Variants in PDE10A observed in about 807,000 individuals in gnomAD.
PDE10A encodes the protein cAMP and cAMP-inhibited cGMP 3',5'-cyclic phosphodiesterase 10A.
PDE10A carries 39 observed loss-of-function variants against 97.7 expected under a neutral mutation model. That is an observed-to-expected ratio of 0.40 (90% CI 0.31 to 0.52). PDE10A has a LOEUF of 0.52. PDE10A is among the 20% of genes least tolerant of loss of function. The pLI, the probability that PDE10A is intolerant of heterozygous loss-of-function variation, is 0.56. For missense variants in PDE10A, 731 were observed against 1,047.8 expected (o/e 0.70, Z 4.17); for synonymous variants, 371 against 376.8 (o/e 0.98, Z 0.18).
chr6:165,364,713 G>A (rs758208205), intron 18 of PDE10A, among the ~76,000 whole-genome samples: 24 of 151,960 alleles, frequency 1.6e-4, no homozygotes, highest in Admixed American at 6.6e-5. Flanking sequence ...GTCTTGGCCA[G>A]GAAGAAAATA....
intron 1 of PDE10A, among the ~76,000 whole-genome samples, chr6:165,567,514 C>T (rs1784832624): frequency 6.6e-6 from 1 of 152,164 alleles, no homozygotes; most frequent in Non-Finnish European, 1.5e-5. Flanking sequence ...TGCACACTGA[C>T]TCCACTGCTA....
intron 1 of PDE10A, among the ~76,000 whole-genome samples, chr6:165,727,967 ATTTG>A (rs899751842): frequency 7.2e-5 from 11 of 152,038 alleles, no homozygotes; most frequent in African/African-American, 2.7e-4. Context: ...TTGTTTTTTT[ATTTG>A]TTTGTTTTTG....
chr6:165,747,208 A>T (rs896299948), intron 1 of PDE10A, among the ~76,000 whole-genome samples: 18 of 152,228 alleles, frequency 1.2e-4, no homozygotes, highest in East Asian at 3.8e-4. Flanking sequence ...ACATTTTTTT[A>T]AAATTTGAAT....
chr6:165,721,236 A>G (rs1277342388), intron 1 of PDE10A, among the ~76,000 whole-genome samples: 2 of 152,208 alleles, frequency 1.3e-5, no homozygotes, highest in African/African-American at 2.4e-5. Flanking sequence ...AGCAACTTCC[A>G]GTGTGAAGTG....
chr6:165,665,618 A>G (rs1011302891), upstream of PDE10A, among the ~76,000 whole-genome samples: 1 of 152,094 alleles, frequency 6.6e-6, no homozygotes, highest in Non-Finnish European at 1.5e-5. Flanking sequence ...AGAAATTCAC[A>G]ATGTTGCAGT....
At chr6:165,839,991 AACTCCATCCCATCTCCATCCTCATCT>A in intron 1 of PDE10A, among the ~76,000 whole-genome samples, 1 of 67,602 alleles carries the variant, frequency 1.5e-5, no homozygotes. Flanking sequence ...CCCCATCTCC[AACTCCATCCCATCTCCATCCTCATCT>A]GCATCCATTC....
chr6:165,640,665 C>T (rs1789085825), intron 1 of PDE10A, among the ~76,000 whole-genome samples: 1 of 152,204 alleles, frequency 6.6e-6, no homozygotes, highest in South Asian at 2.1e-4. Context: ...CAACATATTC[C>T]TATCTGGATG....
intron 1 of PDE10A, among the ~76,000 whole-genome samples, chr6:165,878,308 G>T (rs1248543904): frequency 6.6e-6 from 1 of 152,180 alleles, no homozygotes; most frequent in Non-Finnish European, 1.5e-5. Context: ...GTCATGCATG[G>T]TCATTAGATT....
intron 1 of PDE10A, among the ~76,000 whole-genome samples, chr6:165,879,417 G>A (rs1781420207): frequency 6.6e-6 from 1 of 152,236 alleles, no homozygotes; most frequent in Non-Finnish European, 1.5e-5. Context: ...TGTGTCTGTT[G>A]TCGCCTGACT....
chr6:165,868,523 T>C (rs1781116630), intron 1 of PDE10A, among the ~76,000 whole-genome samples: 1 of 151,602 alleles, frequency 6.6e-6, no homozygotes, highest in South Asian at 2.1e-4. Context: ...TAATAAAAAG[T>C]CTTCCAACAA....
chr6:165,763,915 T>C (rs1793311394), intron 1 of PDE10A, among the ~76,000 whole-genome samples: 1 of 148,206 alleles, frequency 6.7e-6, no homozygotes, highest in Non-Finnish European at 1.5e-5. Flanking sequence ...TCATTTAATC[T>C]TGACAACAAT....
chr6:165,610,122 C>T (rs1334581325), intron 1 of PDE10A, among the ~76,000 whole-genome samples: 16 of 152,178 alleles, frequency 1.1e-4, no homozygotes, highest in African/African-American at 2.4e-4. Flanking sequence ...TACAAGGCTA[C>T]AGTAACCAAA....
intron 1 of PDE10A, among the ~76,000 whole-genome samples, chr6:165,831,500 C>T (rs1175883226): frequency 3.9e-5 from 4 of 103,162 alleles, no homozygotes; most frequent in African/African-American, 1.3e-4. Flanking sequence ...TTATTTGAGA[C>T]GGAGTCTCGC....
chr6:165,795,601 A>C (rs544121534), intron 1 of PDE10A, among the ~76,000 whole-genome samples: 16 of 146,254 alleles, frequency 1.1e-4, no homozygotes, highest in Admixed American at 5.4e-4. Context: ...AACAAACAAA[A>C]AAACCAGCAG....
intron 1 of PDE10A, among the ~76,000 whole-genome samples, chr6:165,754,616 A>G (rs1234804846): frequency 6.6e-6 from 1 of 152,176 alleles, no homozygotes; most frequent in Non-Finnish European, 1.5e-5. Context: ...ATATTTATGA[A>G]TATAAAACAG....
chr6:165,330,441 A>T lies in PDE10A; in HGVS notation c.*2584T>A, dbSNP rs568985987. Reference sequence around the variant, plus strand: ...TTCCAAAACAAATCATTAACTAAATATCACTGCAACCCGGGTCCTTTTATT... The same window carrying T: ...TTCCAAAACAAATCATTAACTAAATTTCACTGCAACCCGGGTCCTTTTATT... On this transcript the variant is annotated 3_prime_UTR_variant, in exon 22 of 22. Coordinates refer to ENST00000539869, the MANE Select transcript of PDE10A (RefSeq NM_001385079.1). The T allele has an allele frequency of 2.0e-5, 3 of 152,330 alleles. No individual in the cohort carries two copies. Among genetic ancestry groups the T allele is most frequent in the Admixed American group, 6.5e-5 (1 of 15,298 alleles). 9.4% of individuals were successfully genotyped at this position (152,330 alleles called of 1,614,324 possible). A position where few individuals can be genotyped will look rare whatever the true frequency, so the allele number is the denominator to read the frequency against.
At chr6:165,878,475 A>C (rs759494608) in intron 1 of PDE10A, among the ~76,000 whole-genome samples, 13 of 152,192 alleles carry the variant, frequency 8.5e-5, no homozygotes, top group Non-Finnish European at 1.5e-4. Flanking sequence ...CATCATCCTC[A>C]CTTAAAGTGA....
intron 1 of PDE10A, among the ~76,000 whole-genome samples, chr6:165,896,725 C>G (rs1225880348): frequency 6.6e-6 from 1 of 151,980 alleles, no homozygotes; most frequent in Non-Finnish European, 1.5e-5. Context: ...GGGGTTTCAC[C>G]GTGTTAGCCA....
chr6:165,470,355 A>G (rs1778916174), intron 3 of PDE10A, among the ~76,000 whole-genome samples: 1 of 152,226 alleles, frequency 6.6e-6, no homozygotes, highest in Non-Finnish European at 1.5e-5. Flanking sequence ...CACTTTTTGA[A>G]CACTGAACCA....
Sources: gnomAD v4.1 joint callset for allele counts (sites outside exome capture counted in the v4.1 genomes callset) on GRCh38, gnomAD v4.1.1 for gene constraint, MANE v1.5 for transcripts, NCBI Gene and HGNC (gene_info 2026-07-23, HGNC 2026-07-21) for gene names.